The following ARF1 variants were observed in gnomAD, a reference collection of about 807,000 sequenced individuals.
ARF1 encodes the protein ARF GTPase 1.
A neutral mutation model predicts 18.0 loss-of-function variants in ARF1; 1 was observed. The observed-to-expected ratio is 0.06, with a 90% CI of 0.02 to 0.26. The LOEUF (loss-of-function observed/expected upper bound fraction) is 0.26. Among genes scored for constraint, ARF1 ranks in the 10% least tolerant of loss-of-function variants. The pLI, the probability that ARF1 is intolerant of heterozygous loss-of-function variation, is 1.00. For synonymous variants in ARF1, 112 were observed against 96.3 expected, an observed-to-expected ratio of 1.16 and a Z score of -0.95; for missense variants, 73 against 247.2, an observed-to-expected ratio of 0.30 and a Z score of 4.73.
chr1:228,098,566 A>C lies in ARF1; in HGVS notation c.*553A>C, dbSNP rs1288255085. The C allele has an allele frequency of 6.5e-6, 1 of 152,848 alleles. No individual in the cohort carries two copies. The highest frequency in any genetic ancestry group is 1.5e-5 in the Non-Finnish European group (1 of 68,238). 9.5% of individuals were successfully genotyped at this position (152,848 alleles called of 1,614,324 possible). ...GAACATGAGGTGGTGGTGGCGCAGC[A>C]GACTGCGATCAATTCTGCATGGTCA... On this transcript the variant is annotated 3_prime_UTR_variant, in exon 5 of 5. Transcript: ENST00000272102.
chr1:228,096,999 T>C, intron 1 of ARF1, 79 bp from the exon 2 acceptor site: 1 of 1,321,968 alleles, frequency 7.6e-7, no homozygotes, highest in African/African-American at 1.5e-5. Flanking sequence ...GAGGCAGTGG[T>C]GCATCCCTGG....
chr1:228,098,274 C>T lies in ARF1; in HGVS notation c.*261C>T, dbSNP rs2032821336. The T allele has an allele frequency of 8.2e-6, 3 of 364,574 alleles. No homozygotes were observed. Among genetic ancestry groups the T allele is most frequent in the Non-Finnish European group, 1.5e-5 (3 of 204,276 alleles). 22.6% of individuals were successfully genotyped at this position (364,574 alleles called of 1,614,324 possible). The stretch of plus-strand genomic sequence containing the variant: ...TTTATTGTAAAAAGAAAAATCAACT[C>T]ACTGTTCAGTGCTGAGAGGGGATGT... On this transcript the variant is annotated 3_prime_UTR_variant, in exon 5 of 5. Coordinates refer to ENST00000272102, the MANE Select transcript of ARF1 (RefSeq NM_001658.4).
At position 228,089,138 on chromosome 1, in the gene ARF1, A is replaced by C. The variant is rs1392644072; in HGVS notation, c.-38+6373A>C. 6.6e-6 allele frequency among the ~76,000 whole-genome samples: 1 copy of C among 152,166 alleles called. No individual in the cohort carries two copies. Among genetic ancestry groups the C allele is most frequent in the South Asian group, 2.1e-4 (1 of 4,828 alleles). On this transcript the variant is annotated intron_variant, in intron 1 of 4. Transcript: ENST00000272102. The surrounding 1 kb of genome is among the most constrained non-coding windows in gnomAD (Gnocchi z 4.1). ...GTTTCGGCTGCAAAGCTGGCTGTCAAGGGGCAGGAATTGGGAGGAGGGTCT... is the reference window on the plus strand; with the variant it reads ...GTTTCGGCTGCAAAGCTGGCTGTCACGGGGCAGGAATTGGGAGGAGGGTCT...
Position 228,097,715 on chromosome 1 carries a change from G to A in ARF1, c.384G>A (p.Gln128=). 1 of 1,606,670 alleles carries A rather than the reference G, an allele frequency of 6.2e-7. No individual in the cohort carries two copies. The highest frequency in any genetic ancestry group is 8.5e-7 in the Non-Finnish European group (1 of 1,175,574). Reference sequence around the variant, plus strand: ...TCCTCCTGGTGTTCGCCAACAAGCAGGTAGGCGCCCGGGCCAGCCTGGGGA... The same window carrying A: ...TCCTCCTGGTGTTCGCCAACAAGCAAGTAGGCGCCCGGGCCAGCCTGGGGA... ...DAVLLVFANK[Q]DLPNAMNAAE... The change falls in exon 4 of 5, where the codon CAG becomes CAA. Residue 128 remains glutamine, a splice_region_variant and synonymous_variant. Coordinates refer to ENST00000272102, the MANE Select transcript of ARF1 (RefSeq NM_001658.4). This position sits in a 1 kb window ranked among gnomAD's most constrained non-coding sequence, Gnocchi z 8.1.
intron 1 of ARF1, among the ~76,000 whole-genome samples, chr1:228,091,916 C>T (rs1023503371): frequency 1.3e-5 from 2 of 152,034 alleles, no homozygotes; most frequent in East Asian, 1.9e-4. Flanking sequence ...TGAAAATCTT[C>T]GTGTGGGACA....
At chr1:228,092,159 G>A (rs546662786) in intron 1 of ARF1, among the ~76,000 whole-genome samples, 10 of 152,300 alleles carry the variant, frequency 6.6e-5, no homozygotes, top group Non-Finnish European at 4.4e-5. Context: ...TTTTGAAAAA[G>A]AACTCTGGGT....
intron 1 of ARF1, among the ~76,000 whole-genome samples, chr1:228,085,569 TGGTAACAAGG>T (rs2032366004): frequency 6.6e-6 from 1 of 152,154 alleles, no homozygotes; most frequent in African/African-American, 2.4e-5. Flanking sequence ...TCTCACACAG[TGGTAACAAGG>T]GCTTGCAGCC....
chr1:228,092,089 T>C (rs991028985), intron 1 of ARF1, among the ~76,000 whole-genome samples: 5 of 152,184 alleles, frequency 3.3e-5, no homozygotes, highest in East Asian at 1.9e-4. Context: ...AAAACTGAGA[T>C]TATGAACTAT....
intron 1 of ARF1, among the ~76,000 whole-genome samples, chr1:228,085,586 A>G (rs750530924): frequency 2.6e-5 from 4 of 152,242 alleles, no homozygotes; most frequent in Admixed American, 6.5e-5. Flanking sequence ...AAGGGCTTGC[A>G]GCCGGTTGTC....
chr1:228,097,438 T>A lies in ARF1; in HGVS notation c.245T>A (p.Phe82Tyr). 6.2e-7 allele frequency: 1 copy of A among 1,614,082 alleles called. No individual in the cohort carries two copies. Among genetic ancestry groups the A allele is most frequent in the Non-Finnish European group, 8.5e-7 (1 of 1,179,998 alleles). ...DKIRPLWRHY[F>Y]QNTQGLIFVV... ...ATCCGGCCCCTGTGGCGCCACTACT[T>A]CCAGAACACACAAGGTAAGTGGCTG... Residue 82 changes from phenylalanine (F) to tyrosine (Y), a missense_variant, in exon 3 of 5, where the codon TTC (phenylalanine) becomes TAC (tyrosine). By Grantham distance (22) the Phe-to-Tyr change is conservative. This residue lies in a region of ARF1 where 48 missense variants were observed against 144.7 expected (regional missense o/e 0.33). Transcript: ENST00000272102. The surrounding 1 kb of genome is among the most constrained non-coding windows in gnomAD (Gnocchi z 8.1).
In ARF1 at chr1:228,098,149, G is replaced by A. The variant is rs1431701861; in HGVS notation, c.*136G>A. 9.3e-7 allele frequency: 1 copy of A among 1,079,334 alleles called. No individual in the cohort carries two copies. The highest frequency in any genetic ancestry group is 1.6e-5 in the African/African-American group (1 of 61,986). The allele number at this position is 1,079,334 out of a possible 1,614,324, so 66.9% of individuals were successfully genotyped here. ...GTGCATCGCACCGTGCTGTAAATGT[G>A]GCAGACGCAGCCTGCGGCCAGGCTT... On this transcript the variant is annotated 3_prime_UTR_variant, in exon 5 of 5. Coordinates refer to ENST00000272102, the MANE Select transcript of ARF1 (RefSeq NM_001658.4).
intron 1 of ARF1, among the ~76,000 whole-genome samples, chr1:228,083,735 T>TTAC (rs941849750): frequency 1.3e-5 from 2 of 152,220 alleles, no homozygotes; most frequent in African/African-American, 4.8e-5. Context: ...GCCTGGGTGG[T>TTAC]TACGGCGTGT....
chr1:228,099,108 T>C lies in ARF1; in HGVS notation c.*1095T>C, dbSNP rs1487485060. 1.3e-5 allele frequency: 2 copies of C among 152,730 alleles called. No homozygotes were observed. Among genetic ancestry groups the C allele is most frequent in the African/African-American group, 4.8e-5 (2 of 41,482 alleles). The allele number at this position is 152,730 out of a possible 1,614,324, so 9.5% of individuals were successfully genotyped here. On this transcript the variant is annotated 3_prime_UTR_variant, in exon 5 of 5. Coordinates refer to ENST00000272102, the MANE Select transcript of ARF1 (RefSeq NM_001658.4). The stretch of plus-strand genomic sequence containing the variant: ...TCGTGGAACCTCTTACTGCTTTCAA[T>C]ACACGATTAGTAATCAACTGTTTTG...
At chr1:228,087,079 A>C (rs1319797282) in intron 1 of ARF1, among the ~76,000 whole-genome samples, 1 of 152,202 alleles carries the variant, frequency 6.6e-6, no homozygotes, top group Admixed American at 6.5e-5. Flanking sequence ...TATATTTTGA[A>C]AGCCTTCTAG....
At chr1:228,086,656 G>A in intron 1 of ARF1, among the ~76,000 whole-genome samples, 1 of 152,218 alleles carries the variant, frequency 6.6e-6, no homozygotes, top group Non-Finnish European at 1.5e-5. Flanking sequence ...AGCCAGGAGG[G>A]AAAGGTAGCG....
chr1:228,084,953 C>G (rs1410027093), intron 1 of ARF1, among the ~76,000 whole-genome samples: 1 of 152,264 alleles, frequency 6.6e-6, no homozygotes, highest in Admixed American at 6.5e-5. Context: ...GACCATTCTC[C>G]TGAGCAAGAG....
intron 1 of ARF1, among the ~76,000 whole-genome samples, chr1:228,093,267 C>T (rs766654796): frequency 6.6e-6 from 1 of 152,142 alleles, no homozygotes; most frequent in Non-Finnish European, 1.5e-5. Flanking sequence ...CTGGGCATGA[C>T]ACAAGTTAGG....
rs555853250 is a variant in ARF1, at chr1:228,087,219, G to A, written c.-38+4454G>A. Among the ~76,000 whole-genome samples, 5 of 152,312 alleles carry A rather than the reference G, an allele frequency of 3.3e-5. No homozygotes were observed. In the East Asian group the frequency reaches 9.6e-4, roughly 29 times the overall value. On this transcript the variant is annotated intron_variant, in intron 1 of 4. Transcript: ENST00000272102. ...TCTTTCCATTTGTGTCATACAGCAA[G>A]TTATTTTTGCAGTACCATATACGCT... is the stretch of plus-strand genomic sequence containing the variant.
intron 1 of ARF1, among the ~76,000 whole-genome samples, chr1:228,087,084 T>G (rs2032425671): frequency 6.6e-6 from 1 of 152,208 alleles, no homozygotes; most frequent in Admixed American, 6.5e-5. Context: ...TTTGAAAGCC[T>G]TCTAGGCAGA....
Sources: gnomAD v4.1 joint callset for allele counts (sites outside exome capture counted in the v4.1 genomes callset) on GRCh38, gnomAD v4.1.1 for gene constraint, gnomAD v4.1.1 regional missense constraint, Gnocchi (gnomAD v3.1) non-coding constraint, MANE v1.5 for transcripts, NCBI Gene and HGNC (gene_info 2026-07-23, HGNC 2026-07-21) for gene names.